Variants in PDE1C observed in about 807,000 individuals in gnomAD.
PDE1C encodes the protein dual specificity calcium/calmodulin-dependent 3',5'-cyclic nucleotide phosphodiesterase 1C.
Under a neutral mutation model 93.1 loss-of-function variants are expected in PDE1C, and 62 were observed. That is an observed-to-expected ratio of 0.67 (90% CI 0.54 to 0.82). The LOEUF (loss-of-function observed/expected upper bound fraction) is 0.82, where lower values mean the gene tolerates loss of function less well. PDE1C is among the 40% of genes least tolerant of loss of function. PDE1C has a pLI of 0.00. For missense variants in PDE1C, 742 were observed against 884.6 expected (o/e 0.84, Z 2.04); for synonymous variants, 325 against 310.1 (o/e 1.05, Z -0.50).
intron 1 of PDE1C, among the ~76,000 whole-genome samples, chr7:32,245,539 G>C (rs762601201): frequency 6.6e-6 from 1 of 152,034 alleles, no homozygotes; most frequent in Non-Finnish European, 1.5e-5. Flanking sequence ...CCTGTCTTCT[G>C]CTCTCCAGAG....
chr7:32,283,191 G>GT (rs1490623014), intron 1 of PDE1C, among the ~76,000 whole-genome samples: 2 of 152,128 alleles, frequency 1.3e-5, no homozygotes, highest in African/African-American at 2.4e-5. Flanking sequence ...TAAATCAATC[G>GT]TGATACCTTA....
At chr7:32,395,641 G>A (rs1356754145) in intron 1 of PDE1C, among the ~76,000 whole-genome samples, 2 of 152,122 alleles carry the variant, frequency 1.3e-5, no homozygotes, top group Non-Finnish European at 2.9e-5. Flanking sequence ...CCTGGGGTAA[G>A]GCTATAAATT....
At chr7:32,223,060 C>T (rs1032508611) in intron 1 of PDE1C, among the ~76,000 whole-genome samples, 1 of 152,234 alleles carries the variant, frequency 6.6e-6, no homozygotes, top group Non-Finnish European at 1.5e-5. Context: ...AGGCCCCTCA[C>T]TTAGAGGTTC....
intron 16 of PDE1C, among the ~76,000 whole-genome samples, chr7:31,802,987 CA>C (rs1786261392): frequency 6.6e-6 from 1 of 151,658 alleles, no homozygotes; most frequent in Non-Finnish European, 1.5e-5. Context: ...CCTGATTTTT[CA>C]AATATTTTTC....
chr7:31,758,507 A>T (rs1300122775), intron 17 of PDE1C, among the ~76,000 whole-genome samples: 1 of 152,160 alleles, frequency 6.6e-6, no homozygotes, highest in Non-Finnish European at 1.5e-5. Context: ...TTCTAATAAG[A>T]TCCTTCGAAA....
At chr7:32,334,224 T>C (rs1348501517) in intron 1 of PDE1C, among the ~76,000 whole-genome samples, 1 of 152,176 alleles carries the variant, frequency 6.6e-6, no homozygotes, top group Non-Finnish European at 1.5e-5. Context: ...CAACTTCAAT[T>C]GCAATTATAT....
intron 14 of PDE1C, among the ~76,000 whole-genome samples, chr7:31,816,440 A>AT (rs1207266150): frequency 6.6e-6 from 1 of 152,176 alleles, no homozygotes; most frequent in Non-Finnish European, 1.5e-5. Flanking sequence ...CACCGTTATT[A>AT]ATAGCTTCTA....
chr7:31,794,925 G>T lies in PDE1C; in HGVS notation c.1891+14106C>A, dbSNP rs1420903774. 2.6e-5 allele frequency among the ~76,000 whole-genome samples: 4 copies of T among 151,914 alleles called. No individual in the cohort carries two copies. In the East Asian group the frequency reaches 5.8e-4, roughly 22 times the overall value. On this transcript the variant is annotated intron_variant, in intron 16 of 17. Transcript: ENST00000396191. ...TCTCAATTTTATTATTTCAGGAAAA[G>T]CAGAAAAGATTCTAAATGATGAGAA...
intron 2 of PDE1C, among the ~76,000 whole-genome samples, chr7:32,003,745 A>G (rs73686889): frequency 0.099 from 15,118 of 152,252 alleles, 804 homozygotes; most frequent in Middle Eastern, 0.14. Flanking sequence ...CCATTCATTC[A>G]TGTTCTAGGA....
At chr7:31,865,898 G>A (rs1795229288) in intron 6 of PDE1C, among the ~76,000 whole-genome samples, 2 of 152,052 alleles carry the variant, frequency 1.3e-5, no homozygotes, top group Admixed American at 6.5e-5. Flanking sequence ...GAGATATGCT[G>A]CATAGTATGT....
intron 1 of PDE1C, among the ~76,000 whole-genome samples, chr7:32,226,525 A>C (rs895815517): frequency 1.3e-5 from 2 of 152,200 alleles, no homozygotes; most frequent in Admixed American, 6.5e-5. Flanking sequence ...CAGTAAGAAG[A>C]TGAAGCGGGC....
chr7:31,749,081 AG>A (rs1374695516), downstream of PDE1C, among the ~76,000 whole-genome samples: 3 of 152,196 alleles, frequency 2.0e-5, no homozygotes, highest in African/African-American at 4.8e-5. Flanking sequence ...ATCCTAACAG[AG>A]GGATGCTGGA....
intron 1 of PDE1C, among the ~76,000 whole-genome samples, chr7:32,257,781 C>A (rs184131079): frequency 6.6e-6 from 1 of 152,304 alleles, no homozygotes; most frequent in African/African-American, 2.4e-5. Flanking sequence ...CTGCTCCCAG[C>A]CAACCAGACA....
At chr7:32,073,157 A>T (rs1411630187), upstream of PDE1C, among the ~76,000 whole-genome samples, 1 of 152,218 alleles carries the variant, frequency 6.6e-6, no homozygotes, top group East Asian at 1.9e-4. Context: ...AGAAAAGCAA[A>T]TTTTGGAAGA....
At chr7:32,081,676 T>C (rs926640875) in intron 3 of PDE1C, among the ~76,000 whole-genome samples, 4 of 152,270 alleles carry the variant, frequency 2.6e-5, no homozygotes, top group East Asian at 1.9e-4. Context: ...TCTCAAACAA[T>C]GAGGTGGAAT....
chr7:32,153,467 G>A (rs1384313445), intron 3 of PDE1C, among the ~76,000 whole-genome samples: 3 of 152,284 alleles, frequency 2.0e-5, no homozygotes, highest in Admixed American at 2.0e-4. Context: ...GGATGGAGAA[G>A]AATGAAGGAA....
the PDE1C span, chr7:31,658,154 T>G: frequency 3.7e-6 from 3 of 807,560 alleles, no homozygotes; most frequent in South Asian, 2.7e-5. Flanking sequence ...TGAACCACAG[T>G]GTATGCATAG....
chr7:32,164,093 CTG>C (rs1802076633), intron 3 of PDE1C, among the ~76,000 whole-genome samples: 2 of 152,336 alleles, frequency 1.3e-5, no homozygotes, highest in African/African-American at 4.8e-5. Flanking sequence ...TCTCACCACT[CTG>C]AAGGTGGTGG....
the PDE1C span, among the ~76,000 whole-genome samples, chr7:31,704,348 T>C: frequency 1.7e-4 from 26 of 152,310 alleles, no homozygotes; most frequent in African/African-American, 5.5e-4. Flanking sequence ...CTGGGTGGGA[T>C]TGTGCTGTAA....
Sources: allele counts gnomAD v4.1 joint callset (sites outside exome capture counted in the v4.1 genomes callset), GRCh38; gene constraint gnomAD v4.1.1; transcripts MANE v1.5; gene names NCBI Gene and HGNC (gene_info 2026-07-23, HGNC 2026-07-21).